The following LGI4 variants were observed in gnomAD, a reference collection of about 807,000 sequenced individuals.
The protein encoded by LGI4 is leucine-rich repeat LGI family member 4.
In LGI4, 36 loss-of-function variants were observed where a neutral mutation model predicts 48.3. That is an observed-to-expected ratio of 0.75 (90% CI 0.57 to 0.98). The LOEUF (loss-of-function observed/expected upper bound fraction) is 0.98, where lower values mean the gene tolerates loss of function less well. Ranked by LOEUF, LGI4 falls within the 50% of genes least tolerant of loss-of-function variation. The pLI, the probability that LGI4 is intolerant of heterozygous loss-of-function variation, is 0.00. For missense variants in LGI4, 701 were observed against 732.1 expected, an observed-to-expected ratio of 0.96 and a Z score of 0.49; for synonymous variants, 355 against 331.6, an observed-to-expected ratio of 1.07 and a Z score of -0.77.
chr19:35,131,777 C>T lies in LGI4; in HGVS notation c.458+12G>A, dbSNP rs2065177147. On this transcript the variant is annotated intron_variant, in intron 5 of 8. Transcript: ENST00000310123. Reference sequence around the variant, plus strand: ...CCCAACCCCCCACATTCCCAGCCCCCATGAGCCTCACACATGAGTAAGGGT... The same window carrying T: ...CCCAACCCCCCACATTCCCAGCCCCTATGAGCCTCACACATGAGTAAGGGT... The T allele has an allele frequency of 6.5e-7, 1 of 1,544,880 alleles. No individual in the cohort carries two copies. The highest frequency in any genetic ancestry group is 8.8e-7 in the Non-Finnish European group (1 of 1,139,078).
At position 35,134,661 on chromosome 19, in the gene LGI4, A is replaced by G; in HGVS notation, c.20T>C (p.Leu7Pro). 1 of 1,392,194 alleles carries G rather than the reference A, an allele frequency of 7.2e-7. No homozygotes were observed. The highest frequency in any genetic ancestry group is 9.6e-7 in the Non-Finnish European group (1 of 1,040,238). 86.2% of individuals were successfully genotyped at this position (1,392,194 alleles called of 1,614,324 possible). A position where few individuals can be genotyped will look rare whatever the true frequency, so the allele number is the denominator to read the frequency against. The change falls in exon 1 of 9, where the codon CTG (leucine) becomes CCG (proline). Residue 7 changes from leucine (L) to proline (P), a missense_variant. Transcript: ENST00000310123. Reference protein sequence around the residue: MGGAGILLLLLAGAGVV... With the variant: MGGAGIPLLLLAGAGVV... The stretch of plus-strand genomic sequence containing the variant: ...CCCCGCCCCAGCCAGCAGCAGCAGC[A>G]GAATGCCTGCCCCTCCCATGCCCCC...
In LGI4 at chr19:35,126,271, A is replaced by C; in HGVS notation, c.1298T>G (p.Met433Arg). The C allele has an allele frequency of 1.2e-6, 2 of 1,611,644 alleles. No homozygotes were observed. Among genetic ancestry groups the C allele is most frequent in the Non-Finnish European group, 1.7e-6 (2 of 1,179,460 alleles). The change falls in exon 8 of 9, where the codon ATG becomes AGG. Residue 433 changes from methionine (M) to arginine (R), a missense_variant and splice_region_variant. This residue lies in a region of LGI4 where 223 missense variants were observed against 263.3 expected (regional missense o/e 0.85). Transcript: ENST00000310123. The stretch of plus-strand genomic sequence containing the variant: ...CCCCGCCCCCAGGCCCAGCCTCACC[A>C]TGGAGTCCCCAATGTAGCGTGTGAG... Reference protein sequence around the residue: ...LCLTRYIGDSMVMRWDGSMFR... With the variant: ...LCLTRYIGDSRVMRWDGSMFR...
At position 35,133,681 on chromosome 19, in the gene LGI4, G is replaced by A; in HGVS notation, c.314+12C>T. On this transcript the variant is annotated intron_variant, in intron 3 of 8. Transcript: ENST00000310123. ...CCAGACCCACCTGCCTCCATCCCCT[G>A]GCCTCACTCACAGGTACTGCAGGTG... is the stretch of plus-strand genomic sequence containing the variant. 1 of 1,592,704 alleles carries A rather than the reference G, an allele frequency of 6.3e-7. No homozygotes were observed. The highest frequency in any genetic ancestry group is 8.5e-7 in the Non-Finnish European group (1 of 1,170,214).
chr19:35,126,219 G>A (rs761928698), intron 8 of LGI4, 51 bp downstream of exon 8: 2 of 1,585,858 alleles, frequency 1.3e-6, no homozygotes, highest in Non-Finnish European at 1.7e-6. Context: ...TAGTGTGCAA[G>A]ATTGGGTCAG....
intron 8 of LGI4, 63 bp downstream of exon 8, chr19:35,126,207 C>T (rs2065134608): frequency 6.4e-7 from 1 of 1,550,500 alleles, no homozygotes; most frequent in Admixed American, 1.8e-5. Context: ...AGTTTAGAGG[C>T]TTAGTGTGCA....
In LGI4 at chr19:35,134,577, T is replaced by G. The variant is rs2065196943; in HGVS notation, c.104A>C (p.Lys35Thr). 6.3e-7 allele frequency: 1 copy of G among 1,585,640 alleles called. No homozygotes were observed. The highest frequency in any genetic ancestry group is 1.8e-5 in the Admixed American group (1 of 54,832). Residue 35 changes from lysine (K) to threonine (T), a missense_variant, in exon 1 of 9, where the codon AAA becomes ACA. Around this residue, in one of 3 missense-constraint regions of LGI4, gnomAD observed 462 missense variants for 436.4 expected, o/e 1.06. Transcript: ENST00000310123. ...GKCPLRCSCSKDSALCEGSPD... is the reference protein window; with the variant it reads ...GKCPLRCSCSTDSALCEGSPD... ...GGAGCCCTCACACAGGGCGCTGTCT[T>G]TAGAGCAGGAGCAGCGCAGGGGACA...
Position 35,125,310 on chromosome 19 carries a change from C to T in LGI4, c.1497G>A (p.Leu499=). Residue 499 remains leucine, a synonymous_variant, in exon 9 of 9, where the codon CTG becomes CTA. Coordinates refer to ENST00000310123, the MANE Select transcript of LGI4 (RefSeq NM_139284.3). ...EPLQELGPPA[L]VAPRAFAHIT... Reference sequence around the variant, plus strand: ...TGTGGGCAAAGGCACGGGGGGCCACCAGGGCCGGAGGCCCCAGCTCCTGCA... The same window carrying T: ...TGTGGGCAAAGGCACGGGGGGCCACTAGGGCCGGAGGCCCCAGCTCCTGCA... The T allele has an allele frequency of 1.9e-6, 3 of 1,611,526 alleles. No individual in the cohort carries two copies. Among genetic ancestry groups the T allele is most frequent in the Non-Finnish European group, 1.7e-6 (2 of 1,178,576 alleles).
At chr19:35,133,953 G>C (rs780556269) in intron 2 of LGI4, 80 bp downstream of exon 2, 4 of 1,426,302 alleles carry the variant, frequency 2.8e-6, no homozygotes, top group Non-Finnish European at 3.9e-6. Context: ...CCTGACATCT[G>C]TGTGAGCATA....
chr19:35,126,232 C>T, intron 8 of LGI4, 38 bp downstream of exon 8: 2 of 1,599,720 alleles, frequency 1.3e-6, no homozygotes, highest in Non-Finnish European at 1.7e-6. Context: ...TGGGTCAGTG[C>T]TGAAAAGCCA....
Position 35,125,516 on chromosome 19 carries a change from G to C in LGI4, c.1300-9C>G, listed in dbSNP as rs556636000. The C allele has an allele frequency of 6.5e-7, 1 of 1,530,004 alleles. No individual in the cohort carries two copies. The allele number at this position is 1,530,004 out of a possible 1,614,324, so 94.8% of individuals were successfully genotyped here. ...CCGTCCCAGCGCATGACCTGTGGGG[G>C]TGTGGCCAGTGAGGGCCTGGGGTCC... On this transcript the variant is annotated splice_polypyrimidine_tract_variant and intron_variant, in intron 8 of 8. Transcript: ENST00000310123.
rs763290435 is a variant in LGI4 at position 35,125,546 on chromosome 19, G to A, written c.1300-39C>T. On this transcript the variant is annotated intron_variant, in intron 8 of 8. Transcript: ENST00000310123. Reference sequence around the variant, plus strand: ...GCCAGTGAGGGCCTGGGGTCCCGGGGGTCTCTGGGGGCCGTGGAACAGCTT... The same window carrying A: ...GCCAGTGAGGGCCTGGGGTCCCGGGAGTCTCTGGGGGCCGTGGAACAGCTT... The A allele has an allele frequency of 2.7e-6, 4 of 1,475,468 alleles. No homozygotes were observed. In the Admixed American group the frequency reaches 9.1e-5, roughly 34 times the overall value. 91.4% of individuals were successfully genotyped at this position (1,475,468 alleles called of 1,614,324 possible).
chr19:35,131,854 C>G lies in LGI4; in HGVS notation c.393G>C (p.Leu131=). 1 of 1,572,992 alleles carries G rather than the reference C, an allele frequency of 6.4e-7. No individual in the cohort carries two copies. Among genetic ancestry groups the G allele is most frequent in the Non-Finnish European group, 8.6e-7 (1 of 1,159,000 alleles). The stretch of plus-strand genomic sequence containing the variant: ...GGAGGGTCTCCAGATGGTTATTGGC[C>G]AGGCTTCTGGTGGAGGAAGAGAAGG... ...RGLRSLTHLS[L]ANNHLETLPR... is the part of the protein sequence containing the mutation. The change falls in exon 5 of 9, where the codon CTG becomes CTC. Residue 131 remains leucine (L), a synonymous_variant. Coordinates refer to ENST00000310123, the MANE Select transcript of LGI4 (RefSeq NM_139284.3).
chr19:35,125,731 C>A, intron 8 of LGI4: 1 of 694,694 alleles, frequency 1.4e-6, no homozygotes, highest in Non-Finnish European at 2.6e-6. Context: ...GTCAGTTTCA[C>A]CTTCTACAGT....
At chr19:35,125,907 G>T in intron 8 of LGI4, 1 of 530,486 alleles carries the variant, frequency 1.9e-6, no homozygotes, top group Non-Finnish European at 3.5e-6. Flanking sequence ...TCCAGACTCA[G>T]AACCCTCCCC....
Position 35,131,417 on chromosome 19 carries a change from G to A in LGI4, c.597C>T (p.Leu199=), listed in dbSNP as rs372281050. 7 of 1,552,066 alleles carry A rather than the reference G, an allele frequency of 4.5e-6. No individual in the cohort carries two copies. In the East Asian group the frequency reaches 7.3e-5, roughly 16 times the overall value. Residue 199 remains leucine, a synonymous_variant, in exon 6 of 9, where the codon CTC becomes CTT. Transcript: ENST00000310123. Reference sequence around the variant, plus strand: ...CTCTGCACTTGAAAGTCTTGGGGTCGAGGTGGTGGAGCTGCATGTGGCTCA... The same window carrying A: ...CTCTGCACTTGAAAGTCTTGGGGTCAAGGTGGTGGAGCTGCATGTGGCTCA... ...ASLSHMQLHH[L]DPKTFKCRAI...
At position 35,131,871 on chromosome 19, in the gene LGI4, A is replaced by ACC; in HGVS notation, c.387-12_387-11insGG. ...TTATTGGCCAGGCTTCTGGTGGAGG[A>ACC]AGAGAAGGCACCGTCAGCAGCCACA... On this transcript the variant is annotated splice_polypyrimidine_tract_variant and intron_variant, in intron 4 of 8. Transcript: ENST00000310123. 3.2e-6 allele frequency: 5 copies of ACC among 1,569,606 alleles called. No homozygotes were observed. Among genetic ancestry groups the ACC allele is most frequent in the Non-Finnish European group, 4.3e-6 (5 of 1,156,942 alleles).
intron 6 of LGI4, among the ~76,000 whole-genome samples, chr19:35,128,286 G>T (rs938264642): frequency 1.3e-5 from 2 of 152,216 alleles, no homozygotes; most frequent in African/African-American, 4.8e-5. Flanking sequence ...GTTGACTCCA[G>T]GCTGTAATAT....
intron 5 of LGI4, 97 bp downstream of exon 5, chr19:35,131,692 C>T (rs1327147523): frequency 7.2e-7 from 1 of 1,384,572 alleles, no homozygotes; most frequent in Admixed American, 2.0e-5. Context: ...ACCACTGCAG[C>T]CAAATGCATG....
chr19:35,134,044 A>G lies in LGI4; in HGVS notation c.231T>C (p.Ser77=). The change falls in exon 2 of 9, where the codon TCT becomes TCC. Residue 77 remains serine, a synonymous_variant. Coordinates refer to ENST00000310123, the MANE Select transcript of LGI4 (RefSeq NM_139284.3). ...LKAGSFLRIP[S]LHLLLFTSNS... ...CAGGCCCCACTCACAGCAGGTGCAG[A>G]GACGGAATTCTCAGGAAGCTGCCGG... is the stretch of plus-strand genomic sequence containing the variant. 6.4e-7 allele frequency: 1 copy of G among 1,562,300 alleles called. No individual in the cohort carries two copies. The highest frequency in any genetic ancestry group is 8.7e-7 in the Non-Finnish European group (1 of 1,152,684).
Sources: allele counts gnomAD v4.1 joint callset (sites outside exome capture counted in the v4.1 genomes callset), GRCh38; gene constraint gnomAD v4.1.1; regional missense constraint gnomAD v4.1.1; transcripts MANE v1.5; gene names NCBI Gene and HGNC (gene_info 2026-07-23, HGNC 2026-07-21).